TAF4B: variants seen among roughly 807,000 people sequenced by gnomAD.
TAF4B encodes the protein TATA-box binding protein associated factor 4b.
A neutral mutation model predicts 86.4 loss-of-function variants in TAF4B; 38 were observed. The observed-to-expected ratio is 0.44, with a 90% CI of 0.34 to 0.58. TAF4B has a LOEUF of 0.58. Ranked by LOEUF, TAF4B falls within the 20% of genes least tolerant of loss-of-function variation. The pLI is 0.02. For synonymous variants in TAF4B, 388 were observed against 391.2 expected (o/e 0.99, Z 0.10); for missense variants, 988 against 1,027.6 (o/e 0.96, Z 0.53).
chr18:26,261,854 T>C (rs555321491), intron 1 of TAF4B, among the ~76,000 whole-genome samples: 5 of 152,196 alleles, frequency 3.3e-5, no homozygotes, highest in African/African-American at 4.8e-5. Context: ...TGAGGGTGCC[T>C]TTAGCCTTGA....
At chr18:26,272,193 G>A (rs1378226290) in intron 3 of TAF4B, among the ~76,000 whole-genome samples, 2 of 152,110 alleles carry the variant, frequency 1.3e-5, no homozygotes, top group Non-Finnish European at 2.9e-5. Context: ...TAATCTTCCG[G>A]TTGCGTCTAT....
chr18:26,372,814 C>CA (rs900194250), intron 14 of TAF4B, among the ~76,000 whole-genome samples: 2 of 135,186 alleles, frequency 1.5e-5, no homozygotes, highest in African/African-American at 2.8e-5. Flanking sequence ...ACTAAAAATA[C>CA]AAAAAAATAG....
At chr18:26,286,620 A>AT (rs34204451) in intron 7 of TAF4B, 121 bp downstream of exon 7, 28,723 of 786,490 alleles carry the variant, frequency 0.037, 483 homozygotes, top group African/African-American at 0.12. Context: ...TGACCAATTA[A>AT]TTTTTTTTTT....
chr18:26,387,779 A>T (rs1978463165), intron 14 of TAF4B, among the ~76,000 whole-genome samples: 1 of 152,196 alleles, frequency 6.6e-6, no homozygotes, highest in Non-Finnish European at 1.5e-5. Context: ...TTCCATGGAT[A>T]CTTATGAACA....
intron 9 of TAF4B, among the ~76,000 whole-genome samples, chr18:26,308,902 A>C (rs948694634): frequency 1.3e-5 from 2 of 150,156 alleles, no homozygotes; most frequent in African/African-American, 4.9e-5. Context: ...AAAAAAAAGA[A>C]ATTGATAATT....
chr18:26,267,536 C>T lies in TAF4B; in HGVS notation c.510C>T (p.Ile170=), dbSNP rs753668166. 1 of 1,614,024 alleles carries T rather than the reference C, an allele frequency of 6.2e-7. No individual in the cohort carries two copies. Among genetic ancestry groups the T allele is most frequent in the Non-Finnish European group, 8.5e-7 (1 of 1,179,910 alleles). ...CCAAGAACTCTAGCTCACAATTAAT[C>T]AAGAAAGTGGCAGTGACACCTGTTA... ...CTVPNSSSQL[I]KKVAVTPVKK... is the part of the protein sequence containing the mutation. Residue 170 remains isoleucine (I), a synonymous_variant, in exon 3 of 15, where the codon ATC becomes ATT. Transcript: ENST00000269142.
intron 1 of TAF4B, among the ~76,000 whole-genome samples, chr18:26,263,478 T>G (rs1210040344): frequency 2.0e-5 from 3 of 152,212 alleles, no homozygotes; most frequent in Non-Finnish European, 4.4e-5. Flanking sequence ...TGGTCTTAAT[T>G]TACCTTTCCT....
chr18:26,267,381 A>G, intron 2 of TAF4B, 135 bp from the exon 3 acceptor site: 1 of 621,948 alleles, frequency 1.6e-6, no homozygotes. Context: ...AATGTGCATA[A>G]AACACATTAG....
At chr18:26,321,777 A>G (rs1391579770) in intron 11 of TAF4B, among the ~76,000 whole-genome samples, 2 of 152,158 alleles carry the variant, frequency 1.3e-5, no homozygotes, top group East Asian at 1.9e-4. Flanking sequence ...TCCTGAAAAC[A>G]ATATATTACT....
chr18:26,384,638 G>A (rs1194122755), intron 14 of TAF4B, among the ~76,000 whole-genome samples: 1 of 152,170 alleles, frequency 6.6e-6, no homozygotes, highest in Non-Finnish European at 1.5e-5. Context: ...AGTTTAACTA[G>A]TTTTAACTAC....
intron 11 of TAF4B, 147 bp from the exon 12 acceptor site, chr18:26,326,868 C>T: frequency 1.1e-6 from 1 of 906,500 alleles, no homozygotes; most frequent in Non-Finnish European, 1.5e-6. Flanking sequence ...GGGATGTTTG[C>T]TTAATAGAAA....
chr18:26,308,123 G>A (rs775873925), intron 9 of TAF4B, among the ~76,000 whole-genome samples: 41 of 152,018 alleles, frequency 2.7e-4, no homozygotes, highest in Admixed American at 4.6e-4. Context: ...GCATGGTGGC[G>A]CACGCCTGTA....
intron 14 of TAF4B, among the ~76,000 whole-genome samples, chr18:26,378,239 C>T (rs1387388338): frequency 6.6e-6 from 1 of 152,046 alleles, no homozygotes; most frequent in Non-Finnish European, 1.5e-5. Context: ...TTAGCTTACC[C>T]AAAATTCTAA....
rs73411440 is a variant in TAF4B at position 26,250,950 on chromosome 18, A to T, written c.344-14220A>T. 6.1e-3 allele frequency among the ~76,000 whole-genome samples: 932 copies of T among 152,244 alleles called. 9 individuals are homozygous for T. The highest frequency in any genetic ancestry group is 0.021 in the African/African-American group (881 of 41,522). On this transcript the variant is annotated intron_variant, in intron 1 of 14. Coordinates refer to ENST00000269142, the MANE Select transcript of TAF4B (RefSeq NM_005640.3). ...GGATATAAACTTCTTGATTGCTTTA[A>T]TTTTTTCTTTTATTTATTCAATTCA...
chr18:26,366,971 T>C (rs2057376053), intron 14 of TAF4B, among the ~76,000 whole-genome samples: 1 of 152,190 alleles, frequency 6.6e-6, no homozygotes, highest in East Asian at 1.9e-4. Flanking sequence ...AATTGTGGTA[T>C]AGAGAGGATT....
At chr18:26,274,888 C>A in intron 4 of TAF4B, 43 bp from the exon 5 acceptor site, 1 of 1,612,536 alleles carries the variant, frequency 6.2e-7, no homozygotes, top group South Asian at 1.1e-5. Context: ...ATTGTTTGCT[C>A]ACTAACACTT....
chr18:26,267,458 G>A, intron 2 of TAF4B, 58 bp from the exon 3 acceptor site: 2 of 1,157,192 alleles, frequency 1.7e-6, no homozygotes, highest in Non-Finnish European at 2.6e-6. Context: ...CTGCAGTACT[G>A]ATCTTAAATT....
rs2055582379 is a variant in TAF4B at position 26,226,844 on chromosome 18, C to T, written c.-90C>T. The T allele has an allele frequency of 1.5e-5, 16 of 1,102,724 alleles. No homozygotes were observed. In the East Asian group the frequency reaches 5.2e-4, roughly 36 times the overall value. The allele number at this position is 1,102,724 out of a possible 1,614,324, so 68.3% of individuals were successfully genotyped here. ...CCCCAGCGATGCTGTGGAACCCGAACCGCACCGGAGTCGGCTGCCGCGCGC... is the reference window on the plus strand; with the variant it reads ...CCCCAGCGATGCTGTGGAACCCGAATCGCACCGGAGTCGGCTGCCGCGCGC... On this transcript the variant is annotated 5_prime_UTR_variant, in exon 1 of 15. Coordinates refer to ENST00000269142, the MANE Select transcript of TAF4B (RefSeq NM_005640.3).
At chr18:26,304,168 G>GTTTTT (rs5823508) in intron 9 of TAF4B, among the ~76,000 whole-genome samples, 1 of 125,380 alleles carries the variant, frequency 8.0e-6, no homozygotes, top group South Asian at 2.5e-4. Context: ...TAGGTCGACT[G>GTTTTT]TTTTTTTTTT....
Sources: gnomAD v4.1 joint callset for allele counts (sites outside exome capture counted in the v4.1 genomes callset) on GRCh38, gnomAD v4.1.1 for gene constraint, MANE v1.5 for transcripts, NCBI Gene and HGNC (gene_info 2026-07-23, HGNC 2026-07-21) for gene names.